FLNB: variants seen among roughly 807,000 people sequenced by gnomAD.
The protein encoded by FLNB is filamin B.
Under a neutral mutation model 250.6 loss-of-function variants are expected in FLNB, and 111 were observed. The ratio of observed to expected loss-of-function variants is 0.44; its 90% CI spans 0.38 to 0.52. The LOEUF is 0.52. Ranked by LOEUF, FLNB falls within the 20% of genes least tolerant of loss-of-function variation. The pLI is 0.00. For missense variants in FLNB, 2,869 were observed against 3,447.8 expected, an observed-to-expected ratio of 0.83 and a Z score of 4.20; for synonymous variants, 1,302 against 1,372.1, an observed-to-expected ratio of 0.95 and a Z score of 1.13.
In FLNB at chr3:58,102,267, G is replaced by A; in HGVS notation, c.1410G>A (p.Arg470=). 6.2e-7 allele frequency: 1 copy of A among 1,614,210 alleles called. No individual in the cohort carries two copies. The highest frequency in any genetic ancestry group is 1.1e-5 in the South Asian group (1 of 91,082). The change falls in exon 9 of 46, where the codon CGG becomes CGA. Residue 470 remains arginine (R), a synonymous_variant. Transcript: ENST00000295956. ...TACAACCCAAAGGCGTCCGTATCCG[G>A]GAGACCACAGATTTCAAGGTTGACA... ...RGLQPKGVRI[R]ETTDFKVDTK...
intron 1 of FLNB, among the ~76,000 whole-genome samples, chr3:58,062,059 C>T (rs2097179530): frequency 2.0e-5 from 3 of 152,236 alleles, no homozygotes; most frequent in South Asian, 4.2e-4. Context: ...CCACTGCACT[C>T]CAGCCTGGGT....
chr3:58,089,655 A>T (rs1344321682), intron 4 of FLNB, among the ~76,000 whole-genome samples: 1 of 152,208 alleles, frequency 6.6e-6, no homozygotes, highest in Non-Finnish European at 1.5e-5. Context: ...ATAATAATAA[A>T]AATTTAGGAG....
In FLNB at chr3:58,138,673, TC is replaced by T; in HGVS notation, c.5109+147del. On this transcript the variant is annotated intron_variant, in intron 29 of 45. Transcript: ENST00000295956. ...GTTAAGCAGTCATGACCTTGTAGAG[TC>T]CCAGAGTAATCTCTAGAAACTCAGA... 14 of 977,714 alleles carry T rather than the reference TC, an allele frequency of 1.4e-5. No individual in the cohort carries two copies. In the South Asian group the frequency reaches 1.6e-4, roughly 11 times the overall value. The allele number at this position is 977,714 out of a possible 1,614,324, so 60.6% of individuals were successfully genotyped here.
chr3:58,043,172 A>G (rs2097148683), intron 1 of FLNB, among the ~76,000 whole-genome samples: 1 of 124,066 alleles, frequency 8.1e-6, no homozygotes. Flanking sequence ...TTTGAGACAG[A>G]GTTTCACTCT....
intron 42 of FLNB, chr3:58,162,754 T>G (rs367650500): frequency 1.1e-5 from 3 of 280,520 alleles, no homozygotes; most frequent in East Asian, 9.3e-5. Context: ...AATTTCAGAG[T>G]GCTGTGTCTT....
chr3:58,026,738 G>A (rs1375505374), intron 1 of FLNB, among the ~76,000 whole-genome samples: 1 of 152,200 alleles, frequency 6.6e-6, no homozygotes, highest in African/African-American at 2.4e-5. Context: ...TTGGACACCA[G>A]CTGCCTGCTG....
At chr3:58,148,150 T>G in intron 34 of FLNB, 56 bp from the exon 35 acceptor site, 1 of 1,582,610 alleles carries the variant, frequency 6.3e-7, no homozygotes, top group Non-Finnish European at 8.7e-7. Flanking sequence ...ATGGCAGCTC[T>G]GTGAAGCCAG....
intron 29 of FLNB, 122 bp downstream of exon 29, chr3:58,138,651 A>G: frequency 7.9e-7 from 1 of 1,264,078 alleles, no homozygotes; most frequent in Non-Finnish European, 1.1e-6. Context: ...AAAATTTGTT[A>G]AGCAGTCATG....
At chr3:58,050,166 A>T (rs1390711777) in intron 1 of FLNB, among the ~76,000 whole-genome samples, 5 of 151,710 alleles carry the variant, frequency 3.3e-5, no homozygotes, top group Non-Finnish European at 1.5e-5. Flanking sequence ...AGTAGCTGGG[A>T]CTACAGCCAC....
intron 1 of FLNB, among the ~76,000 whole-genome samples, chr3:58,073,691 G>A (rs1045077861): frequency 6.6e-6 from 1 of 151,776 alleles, no homozygotes; most frequent in Non-Finnish European, 1.5e-5. Flanking sequence ...CCTCTGCTCC[G>A]GGTCTCACGA....
chr3:58,103,948 C>T lies in FLNB; in HGVS notation c.1484-11C>T. 1.2e-6 allele frequency: 2 copies of T among 1,614,052 alleles called. No homozygotes were observed. The highest frequency in any genetic ancestry group is 1.7e-5 in the Admixed American group (1 of 60,020). ...ATTGTGTTGGAAAGATTATCTCCTTCCTTCCCACAGAGGGTCTGGAGGAGC... is the reference window on the plus strand; with the variant it reads ...ATTGTGTTGGAAAGATTATCTCCTTTCTTCCCACAGAGGGTCTGGAGGAGC... On this transcript the variant is annotated splice_polypyrimidine_tract_variant and intron_variant, in intron 9 of 45. Transcript: ENST00000295956.
intron 24 of FLNB, among the ~76,000 whole-genome samples, chr3:58,130,446 G>A (rs2097305157): frequency 6.6e-6 from 1 of 152,170 alleles, no homozygotes; most frequent in African/African-American, 2.4e-5. Flanking sequence ...AATATGTTAT[G>A]TAGGATGTTA....
Position 58,134,610 on chromosome 3 carries a change from A to G in FLNB, c.4515-6A>G, listed in dbSNP as rs2097313094. ...GACTAGGGTGTGTGTGTGTGTGTCTATCAAGTCCCTTCAAGGTCAAGGTCC... is the reference window on the plus strand; with the variant it reads ...GACTAGGGTGTGTGTGTGTGTGTCTGTCAAGTCCCTTCAAGGTCAAGGTCC... On this transcript the variant is annotated splice_region_variant and splice_polypyrimidine_tract_variant and intron_variant, in intron 26 of 45. Transcript: ENST00000295956. 3.7e-6 allele frequency: 6 copies of G among 1,613,804 alleles called. No individual in the cohort carries two copies. The highest frequency in any genetic ancestry group is 4.5e-5 in the East Asian group (2 of 44,886).
chr3:58,046,741 G>C (rs1420763999), intron 1 of FLNB, among the ~76,000 whole-genome samples: 1 of 152,084 alleles, frequency 6.6e-6, no homozygotes, highest in Non-Finnish European at 1.5e-5. Flanking sequence ...GCCAATTTTA[G>C]AATATTTTTA....
At position 58,008,555 on chromosome 3, in the gene FLNB, C is replaced by T. The variant is rs2097093685; in HGVS notation, c.-10C>T. The T allele has an allele frequency of 2.5e-6, 4 of 1,579,462 alleles. No homozygotes were observed. The highest frequency in any genetic ancestry group is 3.4e-6 in the Non-Finnish European group (4 of 1,163,782). ...AGCTCGTTGCGCATTGCGCTCTCCC[C>T]GCCACCAGGATGCCGGTAACCGAGA... On this transcript the variant is annotated 5_prime_UTR_variant, in exon 1 of 46. Transcript: ENST00000295956.
At chr3:58,079,551 G>A (rs1043999867) in intron 3 of FLNB, among the ~76,000 whole-genome samples, 2 of 152,090 alleles carry the variant, frequency 1.3e-5, no homozygotes, top group African/African-American at 2.4e-5. Flanking sequence ...GTGCCTGGCC[G>A]ACTTAAAACT....
chr3:58,159,972 A>G (rs999751825), intron 42 of FLNB, among the ~76,000 whole-genome samples: 3 of 152,120 alleles, frequency 2.0e-5, no homozygotes, highest in African/African-American at 4.8e-5. Context: ...GCAGTGAGCT[A>G]TGATGCAGTG....
chr3:58,132,558 C>G (rs570660059), intron 25 of FLNB: 1 of 565,822 alleles, frequency 1.8e-6, no homozygotes, highest in East Asian at 3.4e-5. Context: ...CTTAATTATA[C>G]TCTAGGGCAG....
Position 58,154,544 on chromosome 3 carries a change from CAAAA to C in FLNB, c.6635-233_6635-230del, listed in dbSNP as rs71625606. ...TGGGCAGCAGAGCAAGACTCCGTCTCAAAAAAAAAAAAAAAAAGACATGTCTTCA... is the reference window on the plus strand; with the variant it reads ...TGGGCAGCAGAGCAAGACTCCGTCTCAAAAAAAAAAAAAGACATGTCTTCA... On this transcript the variant is annotated intron_variant, in intron 39 of 45. Transcript: ENST00000295956. 2.7e-3 allele frequency: 823 copies of C among 300,020 alleles called. 1 individual carries two copies. Among genetic ancestry groups the C allele is most frequent in the South Asian group, 3.4e-3 (133 of 38,592 alleles). The allele number at this position is 300,020 out of a possible 1,614,324, so 18.6% of individuals were successfully genotyped here.
Sources: gnomAD v4.1 joint callset for allele counts (sites outside exome capture counted in the v4.1 genomes callset) on GRCh38, gnomAD v4.1.1 for gene constraint, MANE v1.5 for transcripts, NCBI Gene and HGNC (gene_info 2026-07-23, HGNC 2026-07-21) for gene names.